LRP1B: variants seen among roughly 807,000 people sequenced by gnomAD.
The protein encoded by LRP1B is LDL receptor related protein 1B, also known as low-density lipoprotein receptor-related protein 1B.
LRP1B carries 217 observed loss-of-function variants against 556.6 expected under a neutral mutation model. The observed-to-expected ratio is 0.39, with a 90% confidence interval of 0.35 to 0.44. The LOEUF is 0.44. Among genes scored for constraint, LRP1B ranks in the 20% least tolerant of loss-of-function variants. LRP1B has a pLI of 1.00. For synonymous variants in LRP1B, 2,047 were observed against 1,865.8 expected, an observed-to-expected ratio of 1.10 and a Z score of -2.50; for missense variants, 5,053 against 5,620.8, an observed-to-expected ratio of 0.90 and a Z score of 3.23.
chr2:141,111,602 G>A (rs1486341272), intron 7 of LRP1B, among the ~76,000 whole-genome samples: 5 of 152,046 alleles, frequency 3.3e-5, no homozygotes, highest in Admixed American at 2.6e-4. Context: ...AGGGGAATAC[G>A]GTGGAGCCAC....
chr2:140,446,857 A>G (rs1414681358), intron 63 of LRP1B, among the ~76,000 whole-genome samples: 1 of 152,058 alleles, frequency 6.6e-6, no homozygotes, highest in Non-Finnish European at 1.5e-5. Flanking sequence ...ACTTATGTAC[A>G]AAAAAAGAAA....
chr2:141,992,010 C>T (rs1036528655), intron 1 of LRP1B, among the ~76,000 whole-genome samples: 1 of 152,094 alleles, frequency 6.6e-6, no homozygotes, highest in African/African-American at 2.4e-5. Context: ...TCAAGTCCCT[C>T]GTATATTTTT....
chr2:141,136,691 A>T (rs1474361324), intron 7 of LRP1B, among the ~76,000 whole-genome samples: 1 of 151,666 alleles, frequency 6.6e-6, no homozygotes, highest in East Asian at 1.9e-4. Flanking sequence ...GGTACCTATT[A>T]TATTTGTAAG....
chr2:140,870,284 A>C (rs1262884649), intron 25 of LRP1B, among the ~76,000 whole-genome samples: 2 of 152,136 alleles, frequency 1.3e-5, no homozygotes, highest in African/African-American at 4.8e-5. Flanking sequence ...CTTTCTGGAA[A>C]TTATAGCCAC....
chr2:141,929,233 G>T (rs920104), intron 1 of LRP1B, among the ~76,000 whole-genome samples: 130,918 of 152,090 alleles, frequency 0.86, 56,508 homozygotes, highest in East Asian at 1. Context: ...AATGCCAAAA[G>T]CTATACAAAC....
At chr2:141,072,018 G>A (rs1476132556) in intron 7 of LRP1B, among the ~76,000 whole-genome samples, 1 of 152,014 alleles carries the variant, frequency 6.6e-6, no homozygotes, top group Non-Finnish European at 1.5e-5. Context: ...AAGTTCATAT[G>A]GCATCTCACC....
intron 2 of LRP1B, among the ~76,000 whole-genome samples, chr2:141,781,336 G>A (rs1282137163): frequency 6.6e-6 from 1 of 152,082 alleles, no homozygotes; most frequent in Non-Finnish European, 1.5e-5. Context: ...AACCCTAGTC[G>A]TGCAAAAAAC....
At chr2:140,812,859 G>A (rs1436524339) in intron 32 of LRP1B, among the ~76,000 whole-genome samples, 2 of 151,884 alleles carry the variant, frequency 1.3e-5, no homozygotes, top group Non-Finnish European at 2.9e-5. Flanking sequence ...TTGTAGATTA[G>A]CCAATCCTCA....
In LRP1B at chr2:140,495,689, A is replaced by C. The variant is rs764235829; in HGVS notation, c.8910T>G (p.Asp2970Glu). 1.2e-5 allele frequency: 19 copies of C among 1,613,990 alleles called. No homozygotes were observed. Among genetic ancestry groups the C allele is most frequent in the Non-Finnish European group, 1.6e-5 (19 of 1,179,892 alleles). Residue 2970 changes from aspartate to glutamate, a missense_variant, in exon 56 of 91, where the codon GAT (aspartate) becomes GAG (glutamate). Physicochemically the swap from Asp to Glu is conservative, Grantham distance 45. This residue lies in a region of LRP1B where 3,619 missense variants were observed against 3,931.9 expected (regional missense o/e 0.92). Transcript: ENST00000389484. Reference protein sequence around the residue: ...KDDGKTCVDIDECSSGFPCSQ... With the variant: ...KDDGKTCVDIEECSSGFPCSQ... Reference sequence around the variant, plus strand: ...TACAGGGAAAGCCTGAAGAGCATTCATCAATGTCTACACATGTTTTGCCGT... The same window carrying C: ...TACAGGGAAAGCCTGAAGAGCATTCCTCAATGTCTACACATGTTTTGCCGT...
chr2:141,140,829 T>G (rs945594844), intron 7 of LRP1B, among the ~76,000 whole-genome samples: 1 of 152,142 alleles, frequency 6.6e-6, no homozygotes, highest in Non-Finnish European at 1.5e-5. Context: ...TCTGATTGAC[T>G]TACTGAGATA....
chr2:141,108,986 G>A (rs1700681423), intron 7 of LRP1B, among the ~76,000 whole-genome samples: 1 of 152,158 alleles, frequency 6.6e-6, no homozygotes, highest in Non-Finnish European at 1.5e-5. Flanking sequence ...TTATATGATT[G>A]TCAGCCATTA....
At chr2:140,302,492 A>G (rs987088177) in intron 83 of LRP1B, among the ~76,000 whole-genome samples, 1 of 152,146 alleles carries the variant, frequency 6.6e-6, no homozygotes, top group Non-Finnish European at 1.5e-5. Context: ...GCTTTGCTAG[A>G]TAATTACTAT....
Position 140,291,318 on chromosome 2 carries a change from A to ATATATATATATTTTT in LRP1B, c.12967+6489_12967+6490insAAAAATATATATATA, listed in dbSNP as rs369391920. On this transcript the variant is annotated intron_variant, in intron 84 of 90. Transcript: ENST00000389484. ...TTATTTTATATATATATATATATAT[A>ATATATATATATTTTT]TTTTTATTATACTTTAAGTTCTAGG... Among the ~76,000 whole-genome samples, 228 of 109,312 alleles carry ATATATATATATTTTT rather than the reference A, an allele frequency of 2.1e-3. 6 individuals are homozygous for ATATATATATATTTTT. Among genetic ancestry groups the ATATATATATATTTTT allele is most frequent in the South Asian group, 5.8e-3 (18 of 3,096 alleles). 71.7% of individuals were successfully genotyped at this position (109,312 alleles called of 152,430 possible). A position where few individuals can be genotyped will look rare whatever the true frequency, so the allele number is the denominator to read the frequency against.
chr2:140,628,696 T>G (rs1258009822), intron 41 of LRP1B, among the ~76,000 whole-genome samples: 1 of 152,178 alleles, frequency 6.6e-6, no homozygotes, highest in Non-Finnish European at 1.5e-5. Context: ...TTGGTAAAGA[T>G]AAGTGTATAT....
At chr2:142,090,700 A>G (rs1240623190) in intron 1 of LRP1B, among the ~76,000 whole-genome samples, 3 of 152,222 alleles carry the variant, frequency 2.0e-5, no homozygotes, top group Middle Eastern at 3.4e-3. Flanking sequence ...TGAACTAGCA[A>G]TACAAAGTAC....
chr2:141,181,858 C>G (rs750694849), intron 7 of LRP1B, among the ~76,000 whole-genome samples: 96 of 146,976 alleles, frequency 6.5e-4, no homozygotes, highest in Non-Finnish European at 1.2e-3. Context: ...TGAACCTTAA[C>G]AAAAAATTTA....
chr2:140,255,584 A>C (rs1681638415), intron 86 of LRP1B, among the ~76,000 whole-genome samples: 2 of 152,136 alleles, frequency 1.3e-5, no homozygotes, highest in South Asian at 2.1e-4. Context: ...GTCTTCCCTC[A>C]TTTCTTGAAC....
intron 1 of LRP1B, among the ~76,000 whole-genome samples, chr2:142,114,689 A>G (rs1707119583): frequency 6.6e-6 from 1 of 152,120 alleles, no homozygotes. Flanking sequence ...ATCACATGTT[A>G]TTACTTATAT....
Position 140,453,799 on chromosome 2 carries a change from T to C in LRP1B, c.9963+2656A>G, listed in dbSNP as rs142723732. Among the ~76,000 whole-genome samples, 150 of 152,300 alleles carry C rather than the reference T, an allele frequency of 9.8e-4. 3 individuals are homozygous for C. Among genetic ancestry groups the C allele is most frequent in the African/African-American group, 3.0e-3 (125 of 41,584 alleles). The stretch of plus-strand genomic sequence containing the variant: ...CTTATTGATGTGATTTGCCTGTTTG[T>C]TTCTAAAATAATACTATTTGGGGAA... On this transcript the variant is annotated intron_variant, in intron 62 of 90. Coordinates refer to ENST00000389484, the MANE Select transcript of LRP1B (RefSeq NM_018557.3).
Sources: gnomAD v4.1 joint callset for allele counts (sites outside exome capture counted in the v4.1 genomes callset) on GRCh38, gnomAD v4.1.1 for gene constraint, gnomAD v4.1.1 regional missense constraint, MANE v1.5 for transcripts, NCBI Gene and HGNC (gene_info 2026-07-23, HGNC 2026-07-21) for gene names.